Variants in THSD4 observed in about 807,000 individuals in gnomAD.
The protein encoded by THSD4 is thrombospondin type 1 domain containing 4, also known as thrombospondin type-1 domain-containing protein 4.
Under a neutral mutation model 119.0 loss-of-function variants are expected in THSD4, and 69 were observed. That is an observed-to-expected ratio of 0.58 (90% confidence interval 0.48 to 0.71). THSD4 has a LOEUF of 0.71. Ranked by LOEUF, THSD4 falls within the 30% of genes least tolerant of loss-of-function variation. The pLI is 0.00. For synonymous variants in THSD4, 524 were observed against 540.4 expected, an observed-to-expected ratio of 0.97 and a Z score of 0.42; for missense variants, 1,393 against 1,391.1, an observed-to-expected ratio of 1.00 and a Z score of -0.02.
intron 7 of THSD4, among the ~76,000 whole-genome samples, chr15:71,542,767 C>G (rs1251927184): frequency 6.6e-6 from 1 of 152,060 alleles, no homozygotes; most frequent in East Asian, 1.9e-4. Flanking sequence ...GTCCCAGCTA[C>G]TCGGGACGCT....
At chr15:71,552,709 C>T (rs372662949) in intron 7 of THSD4, among the ~76,000 whole-genome samples, 7 of 152,302 alleles carry the variant, frequency 4.6e-5, no homozygotes, top group African/African-American at 1.7e-4. Flanking sequence ...AGTAGTGGTG[C>T]GATCTCAGCT....
At chr15:71,181,166 C>T (rs1361749529) in intron 3 of THSD4, among the ~76,000 whole-genome samples, 1 of 152,172 alleles carries the variant, frequency 6.6e-6, no homozygotes, top group Non-Finnish European at 1.5e-5. Context: ...GTGTCTCTTC[C>T]AGCTGGTGTT....
chr15:71,242,258 T>C (rs1008472409), intron 4 of THSD4, among the ~76,000 whole-genome samples: 3 of 152,210 alleles, frequency 2.0e-5, no homozygotes, highest in Non-Finnish European at 4.4e-5. Flanking sequence ...GAAAGTTTCC[T>C]GTGGCTGAAA....
intron 7 of THSD4, among the ~76,000 whole-genome samples, chr15:71,592,733 A>C (rs750273697): frequency 6.6e-6 from 1 of 152,022 alleles, no homozygotes; most frequent in African/African-American, 2.4e-5. Flanking sequence ...GCCTGCCTCT[A>C]GGTTGAGAAC....
At chr15:71,243,254 C>A (rs1313343974) in intron 5 of THSD4, among the ~76,000 whole-genome samples, 158 bp downstream of exon 5, 1 of 152,034 alleles carries the variant, frequency 6.6e-6, no homozygotes, top group Non-Finnish European at 1.5e-5. Context: ...CATGTATTCT[C>A]CCTACATAGT....
chr15:71,192,199 G>T (rs1278009947), intron 3 of THSD4, among the ~76,000 whole-genome samples: 1 of 152,112 alleles, frequency 6.6e-6, no homozygotes, highest in East Asian at 1.9e-4. Flanking sequence ...ACCGCACCTG[G>T]CCTTCTTGAC....
chr15:71,375,413 G>A (rs900379092), intron 6 of THSD4, among the ~76,000 whole-genome samples: 3 of 152,044 alleles, frequency 2.0e-5, no homozygotes, highest in South Asian at 4.1e-4. Flanking sequence ...TGTTCTCATC[G>A]CTGCCTATGC....
At chr15:71,100,202 C>T (rs2040248325) in intron 1 of THSD4, among the ~76,000 whole-genome samples, 1 of 152,090 alleles carries the variant, frequency 6.6e-6, no homozygotes, top group African/African-American at 2.4e-5. Flanking sequence ...TTGGAGAGGT[C>T]CTGTGAGTTG....
chr15:71,100,730 AG>A (rs1456726777), intron 1 of THSD4, among the ~76,000 whole-genome samples: 1 of 152,186 alleles, frequency 6.6e-6, no homozygotes, highest in African/African-American at 2.4e-5. Context: ...CTGTAATTCC[AG>A]CACTTTGGGA....
intron 7 of THSD4, among the ~76,000 whole-genome samples, chr15:71,517,979 G>A (rs2048384338): frequency 1.3e-5 from 2 of 152,168 alleles, no homozygotes; most frequent in Non-Finnish European, 2.9e-5. Context: ...TCATCTGTTG[G>A]CCATGAATGT....
At chr15:71,755,419 A>G (rs1373283058) in intron 14 of THSD4, among the ~76,000 whole-genome samples, 3 of 152,206 alleles carry the variant, frequency 2.0e-5, no homozygotes, top group Admixed American at 2.0e-4. Flanking sequence ...CTCAATTTTT[A>G]TTTAAATTCT....
chr15:71,257,352 C>T (rs1398714563), intron 6 of THSD4, among the ~76,000 whole-genome samples: 1 of 152,130 alleles, frequency 6.6e-6, no homozygotes, highest in Admixed American at 6.5e-5. Context: ...TGAGATATTT[C>T]TACCCACCCC....
At chr15:71,440,252 A>G (rs1240947959) in intron 7 of THSD4, among the ~76,000 whole-genome samples, 1 of 152,178 alleles carries the variant, frequency 6.6e-6, no homozygotes, top group Non-Finnish European at 1.5e-5. Flanking sequence ...AAAACTGCTT[A>G]ACAAAACCTC....
intron 7 of THSD4, among the ~76,000 whole-genome samples, chr15:71,543,861 C>G (rs2048797888): frequency 6.6e-6 from 1 of 152,040 alleles, no homozygotes; most frequent in Non-Finnish European, 1.5e-5. Flanking sequence ...AACCCTGTCT[C>G]TACTAAAAAA....
intron 14 of THSD4, among the ~76,000 whole-genome samples, chr15:71,757,591 C>T (rs569989259): frequency 2.0e-4 from 3 of 14,972 alleles, no homozygotes; most frequent in Admixed American, 5.7e-4. Context: ...CCACAATACC[C>T]GGCCAAGCTG....
chr15:71,384,494 TCCAG>T (rs952466835), intron 6 of THSD4, among the ~76,000 whole-genome samples: 1 of 152,208 alleles, frequency 6.6e-6, no homozygotes, highest in Non-Finnish European at 1.5e-5. Flanking sequence ...AAACACTTTA[TCCAG>T]CTTGCTTTTT....
chr15:71,301,243 T>C (rs991558070), intron 6 of THSD4, among the ~76,000 whole-genome samples: 1 of 152,236 alleles, frequency 6.6e-6, no homozygotes, highest in Non-Finnish European at 1.5e-5. Context: ...ATTTAATTTT[T>C]TAACAAAACC....
chr15:71,180,419 A>G (rs2043506222), intron 3 of THSD4, among the ~76,000 whole-genome samples: 1 of 152,214 alleles, frequency 6.6e-6, no homozygotes, highest in Non-Finnish European at 1.5e-5. Context: ...GAGGGATGAT[A>G]GTAAGGGAAG....
At chr15:71,118,901 C>T (rs960593278) in intron 1 of THSD4, among the ~76,000 whole-genome samples, 13 of 152,294 alleles carry the variant, frequency 8.5e-5, no homozygotes, top group African/African-American at 2.6e-4. Flanking sequence ...ACTCCTCCTC[C>T]GCAGGACCGC....
Sources: allele counts gnomAD v4.1 joint callset (sites outside exome capture counted in the v4.1 genomes callset), GRCh38; gene constraint gnomAD v4.1.1; transcripts MANE v1.5; gene names NCBI Gene and HGNC (gene_info 2026-07-23, HGNC 2026-07-21).